Variants in ZNF283 observed in about 807,000 individuals in gnomAD.
ZNF283 encodes the protein zinc finger protein 283.
In ZNF283, 10 loss-of-function variants were observed where a neutral mutation model predicts 9.2. The ratio of observed to expected loss-of-function variants is 1.09; its 90% CI spans 0.67 to 1.85. ZNF283 has a LOEUF of 1.85. Among genes scored for constraint, ZNF283 ranks in the 40% most tolerant of loss-of-function variants. ZNF283 has a pLI of 0.00. For synonymous variants in ZNF283, 234 were observed against 244.1 expected (o/e 0.96, Z 0.38); for missense variants, 631 against 760.1 (o/e 0.83, Z 2.00).
intron 6 of ZNF283, among the ~76,000 whole-genome samples, chr19:43,846,293 A>T (rs1222572622): frequency 3.9e-5 from 6 of 152,222 alleles, no homozygotes; most frequent in Admixed American, 2.6e-4. Context: ...CAATCCTTTT[A>T]TAAAAATTCT....
chr19:43,827,832 CTA>C (rs1175603912), intron 1 of ZNF283: 3 of 152,226 alleles, frequency 2.0e-5, no homozygotes, highest in African/African-American at 7.2e-5. Flanking sequence ...AGAAAGAAGT[CTA>C]TGCTAAGCCC....
At chr19:43,831,589 G>T (rs1329438609) in intron 3 of ZNF283, among the ~76,000 whole-genome samples, 5 of 151,478 alleles carry the variant, frequency 3.3e-5, no homozygotes, top group African/African-American at 1.2e-4. Context: ...GCTAAAAATT[G>T]CATCCTCTAG....
At chr19:43,828,376 T>C (rs1206818145) in intron 2 of ZNF283, 95 bp downstream of exon 2, 1 of 152,210 alleles carries the variant, frequency 6.6e-6, no homozygotes, top group Non-Finnish European at 1.5e-5. Context: ...GCCTGAAATA[T>C]CTTGACTGGG....
chr19:43,848,358 T>C lies in ZNF283; in HGVS notation c.1757T>C (p.Leu586Pro), dbSNP rs1458333816. 29 of 1,614,068 alleles carry C rather than the reference T, an allele frequency of 1.8e-5. No homozygotes were observed. Among genetic ancestry groups the C allele is most frequent in the Non-Finnish European group, 2.5e-5 (29 of 1,179,966 alleles). ...AAGGCCTTCAGTTGGGGTTCAAGCC[T>C]AGTTAAGCATGAGAGAGTCCATACT... ...CGKAFSWGSS[L>P]VKHERVHTNE... Residue 586 changes from leucine to proline, a missense_variant, in exon 7 of 7, where the codon CTA (leucine) becomes CCA (proline). Leu to Pro is a moderately conservative substitution (Grantham distance 98). This residue lies in a region of ZNF283 where 444 missense variants were observed against 522.5 expected (regional missense o/e 0.85). Coordinates refer to ENST00000618787, the MANE Select transcript of ZNF283 (RefSeq NM_181845.2).
rs431371 is a variant in ZNF283 at position 43,835,536 on chromosome 19, A to G, written c.154A>G (p.Ile52Val). 7 of 1,611,496 alleles carry G rather than the reference A, an allele frequency of 4.3e-6. No individual in the cohort carries two copies. In the African/African-American group the frequency reaches 5.3e-5, roughly 12 times the overall value. The change falls in exon 5 of 7, where the codon ATA becomes GTA. Residue 52 changes from isoleucine to valine, a missense_variant. Ile to Val is a conservative substitution (Grantham distance 29, BLOSUM62 3). This residue lies in a region of ZNF283 where 184 missense variants were observed against 220.0 expected (regional missense o/e 0.84). Transcript: ENST00000618787. ...CTTTTCTGGATTCTGTGCTTCACCA[A>G]TAGAGGAATCCCATGGAGCATTAAT... ...SGFSGFCASP[I>V]EESHGALISS...
At chr19:43,828,553 C>G (rs1194035651) in intron 2 of ZNF283, among the ~76,000 whole-genome samples, 1 of 152,068 alleles carries the variant, frequency 6.6e-6, no homozygotes, top group Non-Finnish European at 1.5e-5. Flanking sequence ...TTGTAGATTG[C>G]TATTAGAGCA....
At chr19:43,838,009 CAT>C (rs1971052228) in intron 6 of ZNF283, 1 of 152,200 alleles carries the variant, frequency 6.6e-6, no homozygotes, top group South Asian at 2.1e-4. Flanking sequence ...AAACAGTTCA[CAT>C]GTCTTTCCTT....
intron 4 of ZNF283, among the ~76,000 whole-genome samples, chr19:43,834,829 C>T (rs1970891779): frequency 6.6e-6 from 1 of 152,082 alleles, no homozygotes; most frequent in Admixed American, 6.6e-5. Flanking sequence ...CTCCTGACCT[C>T]ATAATCCACC....
In ZNF283 at chr19:43,851,250, C is replaced by T. The variant is rs186140989; in HGVS notation, c.*2609C>T. Reference sequence around the variant, plus strand: ...AAGAAATGTAGACATGGTGCCTTATCCCAACATTTCTGAAATTATATCTCA... The same window carrying T: ...AAGAAATGTAGACATGGTGCCTTATTCCAACATTTCTGAAATTATATCTCA... On this transcript the variant is annotated 3_prime_UTR_variant, in exon 7 of 7. Coordinates refer to ENST00000618787, the MANE Select transcript of ZNF283 (RefSeq NM_181845.2). 2.0e-5 allele frequency: 3 copies of T among 152,212 alleles called. No individual in the cohort carries two copies. The highest frequency in any genetic ancestry group is 7.2e-5 in the African/African-American group (3 of 41,506). 9.4% of individuals were successfully genotyped at this position (152,212 alleles called of 1,614,324 possible).
At chr19:43,846,269 G>T (rs1225861750) in intron 6 of ZNF283, among the ~76,000 whole-genome samples, 1 of 152,120 alleles carries the variant, frequency 6.6e-6, no homozygotes, top group Non-Finnish European at 1.5e-5. Flanking sequence ...AGCATTATAT[G>T]AAGTTATAAA....
chr19:43,836,783 T>A (rs1351552936), intron 5 of ZNF283, among the ~76,000 whole-genome samples: 1 of 152,230 alleles, frequency 6.6e-6, no homozygotes, highest in Non-Finnish European at 1.5e-5. Context: ...CTGAGATTTT[T>A]AAAATATATT....
At chr19:43,839,975 G>A (rs1412296008) in intron 6 of ZNF283, among the ~76,000 whole-genome samples, 1 of 151,844 alleles carries the variant, frequency 6.6e-6, no homozygotes, top group Non-Finnish European at 1.5e-5. Flanking sequence ...TTCACTGTAT[G>A]CTTTGTAATT....
At chr19:43,842,593 T>C (rs777153386) in intron 6 of ZNF283, among the ~76,000 whole-genome samples, 1 of 152,254 alleles carries the variant, frequency 6.6e-6, no homozygotes, top group Non-Finnish European at 1.5e-5. Flanking sequence ...ATTCTTACTC[T>C]AGGTAGGGCA....
chr19:43,831,504 G>C, intron 3 of ZNF283, 123 bp downstream of exon 3: 1 of 801,642 alleles, frequency 1.2e-6, no homozygotes, highest in South Asian at 1.8e-5. Context: ...TGTCTTTATA[G>C]TTCCAATTAT....
chr19:43,849,434 C>G lies in ZNF283; in HGVS notation c.*793C>G, dbSNP rs1421664616. 6.6e-6 allele frequency: 1 copy of G among 152,148 alleles called. No individual in the cohort carries two copies. Among genetic ancestry groups the G allele is most frequent in the Non-Finnish European group, 1.5e-5 (1 of 68,014 alleles). The allele number at this position is 152,148 out of a possible 1,614,324, so 9.4% of individuals were successfully genotyped here. On this transcript the variant is annotated 3_prime_UTR_variant, in exon 7 of 7. Transcript: ENST00000618787. ...GTGACAATTTAAATAAGAAATTCTT[C>G]ACTTGCACCTCTCTGATTAGAATAG...
At position 43,847,781 on chromosome 19, in the gene ZNF283, C is replaced by T; in HGVS notation, c.1180C>T (p.Gln394Ter). ...FCWGYQLTRH[Q>*]IFHTGEKPYE... ...TTGGGGCTATCAACTTACTCGACAT[C>T]AGATATTTCATACTGGTGAGAAACC... The change falls in exon 7 of 7, where the codon CAG becomes TAG. Residue 394 changes from glutamine (Q) to a stop codon, truncating the protein, a stop_gained. Coordinates refer to ENST00000618787, the MANE Select transcript of ZNF283 (RefSeq NM_181845.2). LOFTEE classifies it low-confidence loss of function (END_TRUNC). 1 of 1,613,308 alleles carries T rather than the reference C, an allele frequency of 6.2e-7. No individual in the cohort carries two copies.
rs370983131 is a variant in ZNF283 at position 43,837,055 on chromosome 19, G to A, written c.213G>A (p.Gly71=). The A allele has an allele frequency of 1.6e-4, 264 of 1,613,776 alleles. No individual in the cohort carries two copies. Among genetic ancestry groups the A allele is most frequent in the Non-Finnish European group, 2.1e-4 (243 of 1,179,924 alleles). Residue 71 remains glycine, a splice_region_variant and synonymous_variant, in exon 6 of 7, where the codon GGG becomes GGA. Coordinates refer to ENST00000618787, the MANE Select transcript of ZNF283 (RefSeq NM_181845.2). ...SSCNSRTMTD[G]LVTFRDVAID... is the part of the protein sequence containing the mutation. ...AATACATGGGTTTTTGGTTTTAGGG[G>A]TTGGTGACATTCAGGGATGTGGCCA...
intron 6 of ZNF283, among the ~76,000 whole-genome samples, chr19:43,841,924 T>G (rs1971231094): frequency 6.6e-6 from 1 of 152,186 alleles, no homozygotes; most frequent in African/African-American, 2.4e-5. Context: ...TTTTTCTTTA[T>G]TTTTGGTCTG....
intron 2 of ZNF283, among the ~76,000 whole-genome samples, chr19:43,828,882 G>T (rs1970584905): frequency 6.6e-6 from 1 of 152,164 alleles, no homozygotes; most frequent in African/African-American, 2.4e-5. Flanking sequence ...GAATGTTTCT[G>T]GCAGTAAATG....
Sources: gnomAD v4.1 joint callset for allele counts (sites outside exome capture counted in the v4.1 genomes callset) on GRCh38, gnomAD v4.1.1 for gene constraint, gnomAD v4.1.1 regional missense constraint, MANE v1.5 for transcripts, NCBI Gene and HGNC (gene_info 2026-07-23, HGNC 2026-07-21) for gene names.